Variants in MEGF10 observed in about 807,000 individuals in gnomAD.
MEGF10 encodes multiple epidermal growth factor-like domains protein 10.
MEGF10 carries 86 observed loss-of-function variants against 147.5 expected under a neutral mutation model. The ratio of observed to expected loss-of-function variants is 0.58; its 90% CI spans 0.49 to 0.70. The LOEUF (loss-of-function observed/expected upper bound fraction) is 0.70, where lower values mean the gene tolerates loss of function less well. Among genes scored for constraint, MEGF10 ranks in the 30% least tolerant of loss-of-function variants. MEGF10 has a pLI of 0.00. For synonymous variants in MEGF10, 478 were observed against 525.5 expected (o/e 0.91, Z 1.24); for missense variants, 1,329 against 1,487.3 (o/e 0.89, Z 1.75).
intron 4 of MEGF10, among the ~76,000 whole-genome samples, chr5:127,359,012 T>A (rs1762376793): frequency 6.6e-6 from 1 of 152,130 alleles, no homozygotes; most frequent in African/African-American, 2.4e-5. Context: ...TTTCAATCCC[T>A]TGTGTGGGAT....
the MEGF10 span, among the ~76,000 whole-genome samples, chr5:127,240,998 A>C: frequency 1.3e-5 from 2 of 152,136 alleles, no homozygotes; most frequent in African/African-American, 4.8e-5. Flanking sequence ...CTTCAGATTT[A>C]TCTCTCCTTG....
At chr5:127,360,471 T>G (rs971260170) in intron 4 of MEGF10, among the ~76,000 whole-genome samples, 4 of 152,000 alleles carry the variant, frequency 2.6e-5, no homozygotes, top group African/African-American at 9.7e-5. Flanking sequence ...TAAGCTTTAT[T>G]TCTTTTCCTT....
chr5:127,320,582 A>G (rs1172770081), intron 1 of MEGF10, among the ~76,000 whole-genome samples: 1 of 152,200 alleles, frequency 6.6e-6, no homozygotes, highest in Non-Finnish European at 1.5e-5. Flanking sequence ...ATATTTGCAT[A>G]CATATGCGAT....
intron 1 of MEGF10, among the ~76,000 whole-genome samples, chr5:127,295,511 T>C (rs1759454511): frequency 6.6e-6 from 1 of 152,222 alleles, no homozygotes; most frequent in Non-Finnish European, 1.5e-5. Flanking sequence ...TCCCATTCAC[T>C]TTTTTGTAAT....
rs1468191717 is a variant in MEGF10, at chr5:127,330,783, A to G, written c.-18-508A>G. On this transcript the variant is annotated intron_variant, in intron 1 of 24. Transcript: ENST00000503335. ...TTTTATATCCAGTCTTTGAATGATG[A>G]CTAGGATGGAGCAGGCATTCAGTGC... 2.0e-5 allele frequency among the ~76,000 whole-genome samples: 3 copies of G among 152,162 alleles called. No individual in the cohort carries two copies. In the East Asian group the frequency reaches 5.8e-4, roughly 29 times the overall value.
At chr5:127,410,056 C>T (rs1290852272) in intron 8 of MEGF10, among the ~76,000 whole-genome samples, 1 of 152,180 alleles carries the variant, frequency 6.6e-6, no homozygotes, top group Non-Finnish European at 1.5e-5. Flanking sequence ...TTCCCATTTT[C>T]TTAGTATCTA....
chr5:127,277,458 A>C, the MEGF10 span, among the ~76,000 whole-genome samples: 52 of 152,202 alleles, frequency 3.4e-4, no homozygotes, highest in African/African-American at 1.2e-3. Context: ...GAGCAAACCC[A>C]AGAAACCTCC....
chr5:127,310,227 G>C (rs1446088413), intron 1 of MEGF10, among the ~76,000 whole-genome samples: 2 of 151,394 alleles, frequency 1.3e-5, no homozygotes, highest in African/African-American at 4.9e-5. Flanking sequence ...TTTAAAAAAT[G>C]TCTATGCAAG....
intron 13 of MEGF10, chr5:127,424,704 A>G (rs1333046039): frequency 9.4e-6 from 3 of 320,668 alleles, no homozygotes; most frequent in Non-Finnish European, 1.4e-5. Flanking sequence ...CACAGACACG[A>G]GGCCTCCCCA....
chr5:127,451,150 C>A (rs1421953299), intron 22 of MEGF10, among the ~76,000 whole-genome samples: 1 of 152,192 alleles, frequency 6.6e-6, no homozygotes, highest in Non-Finnish European at 1.5e-5. Context: ...GAGAGGTTAA[C>A]CCTCTTGTCT....
the MEGF10 span, among the ~76,000 whole-genome samples, chr5:127,241,921 C>CT: frequency 6.6e-6 from 1 of 152,012 alleles, no homozygotes; most frequent in Non-Finnish European, 1.5e-5. Context: ...TCCAGAGCTG[C>CT]TTGGGTCCCT....
chr5:127,379,155 C>T (rs1763155632), intron 5 of MEGF10, among the ~76,000 whole-genome samples: 1 of 150,440 alleles, frequency 6.6e-6, no homozygotes, highest in African/African-American at 2.5e-5. Flanking sequence ...AATCCAACCT[C>T]TTCTCATTAT....
the MEGF10 span, among the ~76,000 whole-genome samples, chr5:127,284,770 A>T: frequency 1.5e-4 from 23 of 152,136 alleles, no homozygotes; most frequent in Non-Finnish European, 2.6e-4. Flanking sequence ...AAGAAGGTAA[A>T]CTCTGTGAAC....
chr5:127,276,926 T>C, the MEGF10 span, among the ~76,000 whole-genome samples: 3 of 151,920 alleles, frequency 2.0e-5, no homozygotes, highest in South Asian at 2.1e-4. Flanking sequence ...ATTGAGAAGA[T>C]GAAATTTGAG....
At chr5:127,325,473 G>A (rs1760977264) in intron 1 of MEGF10, among the ~76,000 whole-genome samples, 1 of 152,022 alleles carries the variant, frequency 6.6e-6, no homozygotes, top group Non-Finnish European at 1.5e-5. Context: ...AATTACCAGG[G>A]TCTTCCCCAA....
intron 4 of MEGF10, among the ~76,000 whole-genome samples, chr5:127,355,408 C>G (rs1172899527): frequency 6.6e-6 from 1 of 152,152 alleles, no homozygotes; most frequent in East Asian, 1.9e-4. Context: ...CAAAGAGAGC[C>G]TGACTGACAA....
At chr5:127,296,584 A>G (rs1031434256) in intron 1 of MEGF10, among the ~76,000 whole-genome samples, 1 of 152,206 alleles carries the variant, frequency 6.6e-6, no homozygotes, top group African/African-American at 2.4e-5. Context: ...TTAATGTCTC[A>G]TCTGACCCAG....
intron 9 of MEGF10, 30 bp downstream of exon 9, chr5:127,410,631 G>A (rs1224369407): frequency 6.4e-7 from 1 of 1,551,026 alleles, no homozygotes; most frequent in Non-Finnish European, 8.7e-7. Flanking sequence ...GGAAGGACGT[G>A]TCCTGTGAAA....
chr5:127,360,020 G>A (rs1310735668), intron 4 of MEGF10, among the ~76,000 whole-genome samples: 1 of 152,016 alleles, frequency 6.6e-6, no homozygotes, highest in African/African-American at 2.4e-5. Flanking sequence ...GAGGAGAATC[G>A]ATATCTTATT....
Sources: gnomAD v4.1 joint callset for allele counts (sites outside exome capture counted in the v4.1 genomes callset) on GRCh38, gnomAD v4.1.1 for gene constraint, MANE v1.5 for transcripts, NCBI Gene and HGNC (gene_info 2026-07-23, HGNC 2026-07-21) for gene names.